The following ENTREP1 variants were observed in gnomAD, a reference collection of about 807,000 sequenced individuals.
The protein encoded by ENTREP1 is Friedreich ataxia region gene X123.
At chr9:69,373,465 G>T in the ENTREP1 span, among the ~76,000 whole-genome samples, 1 of 151,966 alleles carries the variant, frequency 6.6e-6, no homozygotes, top group Non-Finnish European at 1.5e-5. Flanking sequence ...GAGTGGGGTC[G>T]TTCATGATTT....
the ENTREP1 span, among the ~76,000 whole-genome samples, chr9:69,332,743 C>T: frequency 6.6e-6 from 1 of 152,298 alleles, no homozygotes; most frequent in Middle Eastern, 3.4e-3. Context: ...TTGACTCTGT[C>T]ATGATCTATT....
chr9:69,339,023 C>G, the ENTREP1 span, among the ~76,000 whole-genome samples: 1 of 151,914 alleles, frequency 6.6e-6, no homozygotes, highest in Non-Finnish European at 1.5e-5. Context: ...TCATATGTAT[C>G]TTTTGTTTTT....
chr9:69,331,668 G>A, the ENTREP1 span, among the ~76,000 whole-genome samples: 32 of 152,220 alleles, frequency 2.1e-4, 1 homozygote, highest in East Asian at 6.2e-3. Flanking sequence ...GGAAGCACAG[G>A]GGATGAAAAG....
the ENTREP1 span, chr9:69,325,192 C>G: frequency 9.7e-7 from 1 of 1,030,028 alleles, no homozygotes; most frequent in South Asian, 4.6e-5. Flanking sequence ...CTTCCCTCCC[C>G]CTCGGCCTCG....
chr9:69,378,482 T>C, the ENTREP1 span, among the ~76,000 whole-genome samples: 2 of 152,112 alleles, frequency 1.3e-5, no homozygotes, highest in Non-Finnish European at 2.9e-5. Context: ...AATGACTTCA[T>C]TTAGGCGCGG....
At chr9:69,335,518 C>A in the ENTREP1 span, among the ~76,000 whole-genome samples, 1 of 152,100 alleles carries the variant, frequency 6.6e-6, no homozygotes, top group Non-Finnish European at 1.5e-5. Context: ...AGGGCAGGTA[C>A]TTGGTAGGAA....
the ENTREP1 span, among the ~76,000 whole-genome samples, chr9:69,364,112 A>G: frequency 6.6e-6 from 1 of 152,252 alleles, no homozygotes; most frequent in East Asian, 1.9e-4. Flanking sequence ...TACAATAACA[A>G]GCTGCTCCTG....
At chr9:69,377,261 G>T in the ENTREP1 span, 1 of 759,492 alleles carries the variant, frequency 1.3e-6, no homozygotes, top group East Asian at 2.6e-5. Context: ...ATCCTCTCCT[G>T]AGAATTGTCT....
the ENTREP1 span, chr9:69,383,475 T>A: frequency 3.1e-5 from 47 of 1,495,382 alleles, no homozygotes; most frequent in South Asian, 5.9e-4. Context: ...GGAGAGCAGC[T>A]TCTATTATTC....
At chr9:69,359,914 G>T in the ENTREP1 span, among the ~76,000 whole-genome samples, 1 of 151,568 alleles carries the variant, frequency 6.6e-6, no homozygotes, top group Non-Finnish European at 1.5e-5. Flanking sequence ...TGTATTGAAC[G>T]CATTCTACAT....
At chr9:69,371,498 G>A in the ENTREP1 span, 1 of 1,606,612 alleles carries the variant, frequency 6.2e-7, no homozygotes, top group Non-Finnish European at 8.5e-7. Flanking sequence ...TGCCATTTCA[G>A]GTAAACCTCT....
At chr9:69,329,327 T>G in the ENTREP1 span, 1 of 955,608 alleles carries the variant, frequency 1.0e-6, no homozygotes, top group Non-Finnish European at 1.2e-6. Flanking sequence ...ACAAATATAT[T>G]TATTTGAAAT....
chr9:69,339,797 T>G, the ENTREP1 span, among the ~76,000 whole-genome samples: 1 of 152,242 alleles, frequency 6.6e-6, no homozygotes, highest in Non-Finnish European at 1.5e-5. Context: ...TGGCCGCCTC[T>G]TCTTCTGGCT....
chr9:69,331,702 C>T, the ENTREP1 span, among the ~76,000 whole-genome samples: 1 of 152,264 alleles, frequency 6.6e-6, no homozygotes, highest in East Asian at 1.9e-4. Flanking sequence ...ACATAGTCAT[C>T]TTTGAGCAAT....
At chr9:69,383,762 A>G in the ENTREP1 span, 2 of 1,614,130 alleles carry the variant, frequency 1.2e-6, no homozygotes, top group East Asian at 4.5e-5. Context: ...AGGAGCAGGT[A>G]CTGTCTGTCC....
chr9:69,340,683 ATG>A, the ENTREP1 span, among the ~76,000 whole-genome samples: 891 of 27,122 alleles, frequency 0.033, 40 homozygotes, highest in African/African-American at 0.082. Context: ...GTGTGCATGC[ATG>A]TGTGTGTGTA....
the ENTREP1 span, chr9:69,380,309 G>A: frequency 1.3e-5 from 2 of 152,210 alleles, 1 homozygote; most frequent in South Asian, 4.1e-4. Flanking sequence ...CTAGATTCAC[G>A]GTATAAATCA....
the ENTREP1 span, chr9:69,380,713 G>A: frequency 6.6e-6 from 1 of 152,218 alleles, no homozygotes; most frequent in African/African-American, 2.4e-5. Flanking sequence ...CTTGAGCCAG[G>A]GATCAAGGAG....
the ENTREP1 span, chr9:69,377,344 G>A: frequency 1.6e-6 from 2 of 1,268,988 alleles, no homozygotes; most frequent in Non-Finnish European, 2.3e-6. Context: ...GAAGTACTTA[G>A]TGGTGCCATT....
Sources: gnomAD v4.1 joint callset for allele counts (sites outside exome capture counted in the v4.1 genomes callset) on GRCh38, gnomAD v4.1.1 for gene constraint, MANE v1.5 for transcripts, NCBI Gene and HGNC (gene_info 2026-07-23, HGNC 2026-07-21) for gene names.